Variants in ARHGAP15 observed in about 807,000 individuals in gnomAD.
ARHGAP15 encodes rho GTPase-activating protein 15.
ARHGAP15 carries 51 observed loss-of-function variants against 63.7 expected under a neutral mutation model. The observed-to-expected ratio is 0.80, with a 90% confidence interval of 0.64 to 1.01. ARHGAP15 has a LOEUF of 1.01. ARHGAP15 is among the 50% of genes least tolerant of loss of function. The pLI is 0.00. For synonymous variants in ARHGAP15, 191 were observed against 193.8 expected, an observed-to-expected ratio of 0.99 and a Z score of 0.12; for missense variants, 560 against 564.6, an observed-to-expected ratio of 0.99 and a Z score of 0.08.
chr2:143,381,872 G>A (rs1453698933), intron 6 of ARHGAP15, among the ~76,000 whole-genome samples: 1 of 151,980 alleles, frequency 6.6e-6, no homozygotes, highest in Non-Finnish European at 1.5e-5. Context: ...ATAAAGGGGA[G>A]GAGGTACAAA....
At chr2:143,372,984 T>TA (rs34460482) in intron 6 of ARHGAP15, among the ~76,000 whole-genome samples, 1,620 of 136,702 alleles carry the variant, frequency 0.012, 18 homozygotes, top group African/African-American at 0.02. Flanking sequence ...TCTCTCCTCT[T>TA]AAAAAAAAAA....
At position 143,387,909 on chromosome 2, in the gene ARHGAP15, GCA is replaced by G. The variant is rs34299102; in HGVS notation, c.475-47674_475-47673del. On this transcript the variant is annotated intron_variant, in intron 6 of 13. Transcript: ENST00000295095. ...TGCACATACACATACACGCATGCCTGCACACACACACACACACACGCATGCAT... is the reference window on the plus strand; with the variant it reads ...TGCACATACACATACACGCATGCCTGCACACACACACACACACGCATGCAT... 2.5e-3 allele frequency among the ~76,000 whole-genome samples: 377 copies of G among 149,318 alleles called. 2 individuals are homozygous for G. Among genetic ancestry groups the G allele is most frequent in the African/African-American group, 7.1e-3 (291 of 40,770 alleles).
intron 13 of ARHGAP15, among the ~76,000 whole-genome samples, chr2:143,735,635 T>C (rs1266416579): frequency 6.6e-6 from 1 of 152,170 alleles, no homozygotes; most frequent in Non-Finnish European, 1.5e-5. Flanking sequence ...GGCAGAGGAC[T>C]GCATGGCTCT....
intron 3 of ARHGAP15, among the ~76,000 whole-genome samples, chr2:143,209,437 G>A (rs1692481948): frequency 6.6e-6 from 1 of 152,062 alleles, no homozygotes; most frequent in South Asian, 2.1e-4. Context: ...CTTGGAATAT[G>A]TGATAATATG....
At chr2:143,589,803 G>A (rs1697253214) in intron 11 of ARHGAP15, among the ~76,000 whole-genome samples, 1 of 152,118 alleles carries the variant, frequency 6.6e-6, no homozygotes, top group African/African-American at 2.4e-5. Flanking sequence ...CTAAAGCTTG[G>A]AAGTAATTTT....
At chr2:143,341,883 TCTG>T (rs1257142254) in intron 6 of ARHGAP15, among the ~76,000 whole-genome samples, 3 of 152,164 alleles carry the variant, frequency 2.0e-5, no homozygotes, top group African/African-American at 4.8e-5. Context: ...TCTCAGCAAT[TCTG>T]CTGCTTAAAT....
intron 12 of ARHGAP15, among the ~76,000 whole-genome samples, chr2:143,689,326 TTGC>T (rs1379773516): frequency 6.6e-6 from 1 of 152,206 alleles, no homozygotes; most frequent in East Asian, 1.9e-4. Context: ...CTCCTATGGC[TTGC>T]TGATCCTTCT....
At chr2:143,557,391 A>ACC (rs1695850299) in intron 11 of ARHGAP15, among the ~76,000 whole-genome samples, 1 of 152,126 alleles carries the variant, frequency 6.6e-6, no homozygotes, top group African/African-American at 2.4e-5. Flanking sequence ...CCAGTGTGAA[A>ACC]AGGTATGATT....
intron 10 of ARHGAP15, among the ~76,000 whole-genome samples, chr2:143,548,966 T>C (rs939723425): frequency 4.6e-5 from 7 of 151,956 alleles, no homozygotes; most frequent in Non-Finnish European, 1.0e-4. Flanking sequence ...TAAATGATAG[T>C]AGGAATTTCT....
At position 143,426,840 on chromosome 2, in the gene ARHGAP15, T is replaced by G. The variant is rs190386042; in HGVS notation, c.475-8761T>G. On this transcript the variant is annotated intron_variant, in intron 6 of 13. Coordinates refer to ENST00000295095, the MANE Select transcript of ARHGAP15 (RefSeq NM_018460.4). ...GAAGATTAAAGCACAGATTTTCATA[T>G]GTATCTTCTGTTCTCTGAATGTAAA... Among the ~76,000 whole-genome samples the G allele has an allele frequency of 1.3e-3, 203 of 152,338 alleles. 1 individual carries two copies. Among genetic ancestry groups the G allele is most frequent in the African/African-American group, 4.7e-3 (196 of 41,584 alleles).
chr2:143,384,104 A>C (rs1218964596), intron 6 of ARHGAP15, among the ~76,000 whole-genome samples: 1 of 152,200 alleles, frequency 6.6e-6, no homozygotes, highest in African/African-American at 2.4e-5. Flanking sequence ...TAGTTTGACT[A>C]TACGTAAGTG....
intron 13 of ARHGAP15, among the ~76,000 whole-genome samples, chr2:143,720,416 G>T (rs1276615704): frequency 6.6e-6 from 1 of 152,254 alleles, no homozygotes; most frequent in Admixed American, 6.5e-5. Context: ...GGTAAGGGCC[G>T]CTATCCTGCA....
At chr2:143,202,877 G>C (rs759238106) in intron 3 of ARHGAP15, among the ~76,000 whole-genome samples, 1 of 152,032 alleles carries the variant, frequency 6.6e-6, no homozygotes, top group Non-Finnish European at 1.5e-5. Context: ...GTGACAAAAA[G>C]AGTACCTGAA....
chr2:143,738,754 G>T (rs1179862076), intron 13 of ARHGAP15, among the ~76,000 whole-genome samples: 3 of 152,162 alleles, frequency 2.0e-5, no homozygotes, highest in African/African-American at 7.2e-5. Context: ...CACATGCTTT[G>T]CTTTGTAAAG....
At chr2:143,610,626 G>A (rs182173726) in intron 11 of ARHGAP15, among the ~76,000 whole-genome samples, 209 of 152,286 alleles carry the variant, frequency 1.4e-3, no homozygotes, top group South Asian at 3.5e-3. Context: ...AAAATGTACG[G>A]CATTGTAATT....
chr2:143,682,996 G>A, intron 12 of ARHGAP15: 1 of 152,194 alleles, frequency 6.6e-6, no homozygotes, highest in East Asian at 1.9e-4. Context: ...ATTTTGTTTG[G>A]AATACATTGT....
At chr2:143,282,392 C>T (rs191806015) in intron 6 of ARHGAP15, among the ~76,000 whole-genome samples, 14 of 152,150 alleles carry the variant, frequency 9.2e-5, no homozygotes, top group Admixed American at 2.6e-4. Flanking sequence ...CAGTTCCACA[C>T]GGCTGGGGAG....
At chr2:143,244,905 C>G (rs1299866692) in intron 5 of ARHGAP15, among the ~76,000 whole-genome samples, 1 of 152,010 alleles carries the variant, frequency 6.6e-6, no homozygotes, top group African/African-American at 2.4e-5. Flanking sequence ...GACTTTGTGC[C>G]TTTTGATTAT....
intron 2 of ARHGAP15, among the ~76,000 whole-genome samples, chr2:143,173,775 C>T (rs1055187813): frequency 6.6e-6 from 1 of 152,006 alleles, no homozygotes; most frequent in Non-Finnish European, 1.5e-5. Flanking sequence ...AGTCTCTGGA[C>T]CAAGTTGTTT....
Sources: allele counts gnomAD v4.1 joint callset (sites outside exome capture counted in the v4.1 genomes callset), GRCh38; gene constraint gnomAD v4.1.1; transcripts MANE v1.5; gene names NCBI Gene and HGNC (gene_info 2026-07-23, HGNC 2026-07-21).